OPA1: variants seen among roughly 807,000 people sequenced by gnomAD.
OPA1 encodes the protein OPA1 mitochondrial dynamin like GTPase.
OPA1 carries 59 observed loss-of-function variants against 152.9 expected under a neutral mutation model. The ratio of observed to expected loss-of-function variants is 0.39; its 90% CI spans 0.31 to 0.48. The LOEUF (loss-of-function observed/expected upper bound fraction) is 0.48. Among genes scored for constraint, OPA1 ranks in the 20% least tolerant of loss-of-function variants. The pLI is 0.96. For missense variants in OPA1, 1,008 were observed against 1,216.8 expected, an observed-to-expected ratio of 0.83 and a Z score of 2.55; for synonymous variants, 400 against 389.9, an observed-to-expected ratio of 1.03 and a Z score of -0.31.
At chr3:193,663,221 T>G (rs576496314) in intron 26 of OPA1, among the ~76,000 whole-genome samples, 8 of 152,200 alleles carry the variant, frequency 5.3e-5, no homozygotes, top group Admixed American at 2.0e-4. Context: ...CAACAGTCAG[T>G]TCATGCAAAA....
At chr3:193,643,749 G>C (rs191994548) in intron 15 of OPA1, 122 bp downstream of exon 15, 5 of 969,758 alleles carry the variant, frequency 5.2e-6, no homozygotes, top group African/African-American at 1.7e-5. Flanking sequence ...CCTTCTCTTC[G>C]TATTCATTTT....
intron 7 of OPA1, among the ~76,000 whole-genome samples, chr3:193,628,936 G>T (rs372071144): frequency 1.6e-4 from 25 of 151,618 alleles, no homozygotes; most frequent in African/African-American, 5.6e-4. Context: ...TTTTTGAGAC[G>T]GAGTTTCGCT....
chr3:193,621,905 A>C (rs1730154596), intron 6 of OPA1, among the ~76,000 whole-genome samples: 3 of 152,200 alleles, frequency 2.0e-5, no homozygotes, highest in Non-Finnish European at 4.4e-5. Flanking sequence ...ATCAGTCATC[A>C]TATATACCGG....
chr3:193,602,223 G>C (rs1726574049), intron 1 of OPA1, among the ~76,000 whole-genome samples: 1 of 152,122 alleles, frequency 6.6e-6, no homozygotes, highest in Non-Finnish European at 1.5e-5. Context: ...AGGAGTCTGA[G>C]GGGGCCCTTT....
At chr3:193,596,294 A>ACTTTTCTTTTCTTTTCTTTTCTTTT in intron 1 of OPA1, among the ~76,000 whole-genome samples, 1 of 90,846 alleles carries the variant, frequency 1.1e-5, no homozygotes, top group Non-Finnish European at 2.3e-5. Flanking sequence ...GGCCATCGCA[A>ACTTTTCTTTTCTTTTCTTTTCTTTT]CTTTTCTTTT....
At chr3:193,668,420 C>T (rs902616697) in intron 29 of OPA1, 44 of 1,551,144 alleles carry the variant, frequency 2.8e-5, no homozygotes, top group East Asian at 2.4e-4. Flanking sequence ...CTCTGACATC[C>T]GTGCCAGGTT....
chr3:193,611,225 T>G (rs1341558876), intron 1 of OPA1, among the ~76,000 whole-genome samples: 1 of 152,228 alleles, frequency 6.6e-6, no homozygotes, highest in Non-Finnish European at 1.5e-5. Flanking sequence ...CTTTGGTTCC[T>G]GGTCCCTGTA....
Position 193,618,643 on chromosome 3 carries a change from T to C in OPA1, c.611-226T>C. 7.8e-6 allele frequency: 4 copies of C among 510,206 alleles called. No homozygotes were observed. In the South Asian group the frequency reaches 9.8e-5, roughly 13 times the overall value. The allele number at this position is 510,206 out of a possible 1,614,324, so 31.6% of individuals were successfully genotyped here. A position where few individuals can be genotyped will look rare whatever the true frequency, so the allele number is the denominator to read the frequency against. On this transcript the variant is annotated intron_variant, in intron 5 of 30. Transcript: ENST00000361510. ...TAATTTTCAGTTATATATTTTTAAT[T>C]GTTAGGTTAAACATATGCTGCGATT...
intron 1 of OPA1, among the ~76,000 whole-genome samples, chr3:193,598,641 C>T (rs1365794075): frequency 1.3e-5 from 2 of 152,052 alleles, no homozygotes; most frequent in Non-Finnish European, 2.9e-5. Context: ...AAACGATGAA[C>T]CGCATAATCT....
At chr3:193,629,732 C>T (rs1045778761) in intron 7 of OPA1, among the ~76,000 whole-genome samples, 1 of 152,026 alleles carries the variant, frequency 6.6e-6, no homozygotes, top group Non-Finnish European at 1.5e-5. Flanking sequence ...TTTTATATAA[C>T]TTTTTTATTT....
chr3:193,619,602 T>C (rs1056573918), intron 6 of OPA1: 5 of 152,240 alleles, frequency 3.3e-5, no homozygotes, highest in Non-Finnish European at 7.3e-5. Context: ...TATATTTACC[T>C]GACGTTTTCT....
chr3:193,611,587 A>C, intron 1 of OPA1, among the ~76,000 whole-genome samples: 1 of 129,530 alleles, frequency 7.7e-6, no homozygotes, highest in African/African-American at 3.1e-5. Flanking sequence ...ACAGAGCAAG[A>C]CTCCACCTCA....
At chr3:193,693,965 C>A (rs1333634963) in intron 30 of OPA1, among the ~76,000 whole-genome samples, 1 of 152,060 alleles carries the variant, frequency 6.6e-6, no homozygotes, top group Non-Finnish European at 1.5e-5. Flanking sequence ...CCCGGAAGCC[C>A]CGTTAAAAAG....
At chr3:193,606,457 C>G (rs1727301728) in intron 1 of OPA1, among the ~76,000 whole-genome samples, 1 of 150,100 alleles carries the variant, frequency 6.7e-6, no homozygotes, top group Admixed American at 6.6e-5. Context: ...TGATGTTCCC[C>G]TTCCTGTGTC....
intron 26 of OPA1, among the ~76,000 whole-genome samples, chr3:193,663,325 T>C (rs1715742304): frequency 6.6e-6 from 1 of 152,118 alleles, no homozygotes. Context: ...ATATGTGTTT[T>C]TGTGTGTGGT....
intron 29 of OPA1, among the ~76,000 whole-genome samples, chr3:193,676,716 C>G (rs529693576): frequency 1.4e-4 from 21 of 152,122 alleles, no homozygotes; most frequent in Non-Finnish European, 2.8e-4. Context: ...TGTGGTGGCT[C>G]ACGCCTGTAA....
At chr3:193,626,859 G>C (rs368820022) in intron 7 of OPA1, among the ~76,000 whole-genome samples, 1 of 152,126 alleles carries the variant, frequency 6.6e-6, no homozygotes, top group Non-Finnish European at 1.5e-5. Context: ...AAGCTTAAGT[G>C]TATACCAATA....
At chr3:193,605,817 G>C (rs1328260859) in intron 1 of OPA1, among the ~76,000 whole-genome samples, 10 of 152,326 alleles carry the variant, frequency 6.6e-5, no homozygotes, top group African/African-American at 2.4e-4. Flanking sequence ...GATGGGTTCA[G>C]ATATGGGAAC....
At chr3:193,620,357 C>A (rs997557983) in intron 6 of OPA1, among the ~76,000 whole-genome samples, 2 of 152,098 alleles carry the variant, frequency 1.3e-5, no homozygotes, top group African/African-American at 4.8e-5. Context: ...CCTTAAAACC[C>A]GGCTAAGGTC....
Sources: allele counts gnomAD v4.1 joint callset (sites outside exome capture counted in the v4.1 genomes callset), GRCh38; gene constraint gnomAD v4.1.1; transcripts MANE v1.5; gene names NCBI Gene and HGNC (gene_info 2026-07-23, HGNC 2026-07-21).